Variants in DSG4 observed in about 807,000 individuals in gnomAD.
DSG4 encodes desmoglein-4.
In DSG4, 87 loss-of-function variants were observed where a neutral mutation model predicts 93.1. That is an observed-to-expected ratio of 0.93 (90% CI 0.79 to 1.12). The LOEUF (loss-of-function observed/expected upper bound fraction) is 1.12. Among genes scored for constraint, DSG4 ranks in the 50% most tolerant of loss-of-function variants. DSG4 has a pLI of 0.00. For synonymous variants in DSG4, 432 were observed against 452.9 expected (o/e 0.95, Z 0.59); for missense variants, 1,373 against 1,285.7 (o/e 1.07, Z -1.04).
chr18:31,399,543 G>A lies in DSG4; in HGVS notation c.1277G>A (p.Arg426Lys). Reference sequence around the variant, plus strand: ...ACAGGAAACCCTGCAACAGATGTCAGGTACTGCAACTATTTTCTTCATGTT... The same window carrying A: ...ACAGGAAACCCTGCAACAGATGTCAAGTACTGCAACTATTTTCTTCATGTT... ...LDTGNPATDV[R>K]YIIGHDAGSW... Residue 426 changes from arginine to lysine, a missense_variant and splice_region_variant, in exon 9 of 16, where the codon AGA becomes AAA. Arg to Lys is a conservative substitution (Grantham distance 26). Coordinates refer to ENST00000308128, the MANE Select transcript of DSG4 (RefSeq NM_177986.5). The A allele has an allele frequency of 1.2e-6, 2 of 1,613,866 alleles. No homozygotes were observed.
intron 3 of DSG4, among the ~76,000 whole-genome samples, chr18:31,387,242 AAG>A (rs1199485677): frequency 5.9e-5 from 9 of 152,190 alleles, no homozygotes; most frequent in Admixed American, 6.6e-5. Context: ...TCCAGAAAAT[AAG>A]AGAGTCTTAT....
At chr18:31,406,553 A>T (rs1285793297) in intron 12 of DSG4, among the ~76,000 whole-genome samples, 180 bp downstream of exon 12, 2 of 152,198 alleles carry the variant, frequency 1.3e-5, no homozygotes, top group African/African-American at 4.8e-5. Flanking sequence ...AATGATAACT[A>T]AGAAAGCCTA....
chr18:31,379,949 T>C (rs1476556209), intron 1 of DSG4, among the ~76,000 whole-genome samples: 1 of 152,232 alleles, frequency 6.6e-6, no homozygotes, highest in Non-Finnish European at 1.5e-5. Flanking sequence ...ACAGAAAGAA[T>C]GTACTCATCA....
intron 3 of DSG4, among the ~76,000 whole-genome samples, chr18:31,387,758 A>G (rs2072203544): frequency 1.3e-5 from 2 of 152,156 alleles, no homozygotes; most frequent in South Asian, 4.1e-4. Context: ...TCGTTAGTAT[A>G]TAGGTGAGAT....
intron 5 of DSG4, 24 bp downstream of exon 5, chr18:31,389,042 C>G: frequency 6.2e-7 from 1 of 1,611,826 alleles, no homozygotes; most frequent in Non-Finnish European, 8.5e-7. Flanking sequence ...CATTCCTTCT[C>G]TACGTCACAG....
chr18:31,398,332 A>G (rs2072327823), intron 8 of DSG4, among the ~76,000 whole-genome samples: 1 of 152,210 alleles, frequency 6.6e-6, no homozygotes, highest in Non-Finnish European at 1.5e-5. Flanking sequence ...TCTCCAAAGA[A>G]GAACCCAAGT....
intron 11 of DSG4, among the ~76,000 whole-genome samples, chr18:31,405,613 A>G (rs2072415752): frequency 6.6e-6 from 1 of 151,622 alleles, no homozygotes. Flanking sequence ...GCCAGGCAGA[A>G]TGGCTCATGC....
chr18:31,390,402 A>G (rs1178057252), intron 5 of DSG4, among the ~76,000 whole-genome samples: 1 of 152,208 alleles, frequency 6.6e-6, no homozygotes, highest in Non-Finnish European at 1.5e-5. Flanking sequence ...AAAGAGAACT[A>G]TGTTTAGCCA....
intron 7 of DSG4, among the ~76,000 whole-genome samples, chr18:31,391,444 A>C (rs538418336): frequency 6.6e-6 from 1 of 152,166 alleles, no homozygotes; most frequent in African/African-American, 2.4e-5. Context: ...GCAACGAACT[A>C]TCTATTCTGT....
chr18:31,400,850 C>A, intron 9 of DSG4, 31 bp from the exon 10 acceptor site: 2 of 1,608,292 alleles, frequency 1.2e-6, no homozygotes, highest in Non-Finnish European at 1.7e-6. Context: ...TTCATAAAAG[C>A]ATGATAACGA....
intron 12 of DSG4, among the ~76,000 whole-genome samples, chr18:31,408,192 G>A (rs117085661): frequency 0.014 from 2,174 of 152,236 alleles, 27 homozygotes; most frequent in Non-Finnish European, 0.021. Flanking sequence ...TTCCCAAAGG[G>A]CCTCAAATTG....
rs894070697 is a variant in DSG4 at position 31,413,678 on chromosome 18, A to G, written c.*83A>G. 2.7e-6 allele frequency: 4 copies of G among 1,500,370 alleles called. No homozygotes were observed. The highest frequency in any genetic ancestry group is 1.4e-5 in the African/African-American group (1 of 72,462). The allele number at this position is 1,500,370 out of a possible 1,614,324, so 92.9% of individuals were successfully genotyped here. A position where few individuals can be genotyped will look rare whatever the true frequency, so the allele number is the denominator to read the frequency against. On this transcript the variant is annotated 3_prime_UTR_variant, in exon 16 of 16. Coordinates refer to ENST00000308128, the MANE Select transcript of DSG4 (RefSeq NM_177986.5). ...CCACCAAAAATATATAATGTACCATATATATTAATAGTCAACAAATACTCA... is the reference window on the plus strand; with the variant it reads ...CCACCAAAAATATATAATGTACCATGTATATTAATAGTCAACAAATACTCA...
intron 9 of DSG4, among the ~76,000 whole-genome samples, chr18:31,400,228 C>T (rs2072350056): frequency 6.6e-6 from 1 of 152,260 alleles, no homozygotes; most frequent in Non-Finnish European, 1.5e-5. Flanking sequence ...TTATAAGTTA[C>T]CTTGATGTTC....
chr18:31,381,906 T>A (rs991571669), intron 1 of DSG4, among the ~76,000 whole-genome samples: 2 of 151,354 alleles, frequency 1.3e-5, no homozygotes, highest in African/African-American at 4.9e-5. Flanking sequence ...CCTAACCTCG[T>A]GATCTGCCCA....
In DSG4 at chr18:31,411,251, G is replaced by C; in HGVS notation, c.2158G>C (p.Ala720Pro). 1 of 1,614,166 alleles carries C rather than the reference G, an allele frequency of 6.2e-7. No homozygotes were observed. The highest frequency in any genetic ancestry group is 1.3e-5 in the African/African-American group (1 of 75,028). ...TTCAGAAATCTACACCAACACCTATGCAGCCGGGGGCACGGTGGAAGGAGG... is the reference window on the plus strand; with the variant it reads ...TTCAGAAATCTACACCAACACCTATCCAGCCGGGGGCACGGTGGAAGGAGG... ...DSSEIYTNTY[A>P]AGGTVEGGVS... is the part of the protein sequence containing the mutation. The change falls in exon 15 of 16, where the codon GCA becomes CCA. Residue 720 changes from alanine to proline, a missense_variant. Ala to Pro is a conservative substitution (Grantham distance 27). Transcript: ENST00000308128.
In DSG4 at chr18:31,412,953, C is replaced by T; in HGVS notation, c.2481C>T (p.Asp827=). Residue 827 remains aspartate, a synonymous_variant, in exon 16 of 16, where the codon GAC becomes GAT. Transcript: ENST00000308128. ...GTTGTTGCAGTTGGATTGTGGATGA[C>T]TTAGATGAAAGCTGCATGGAAACTT... ...SIGCCSWIVD[D]LDESCMETLD... is the part of the protein sequence containing the mutation. 6.2e-7 allele frequency: 1 copy of T among 1,614,170 alleles called. No homozygotes were observed. Among genetic ancestry groups the T allele is most frequent in the Non-Finnish European group, 8.5e-7 (1 of 1,180,038 alleles).
chr18:31,386,842 G>T, intron 3 of DSG4, 23 bp downstream of exon 3: 2 of 1,612,562 alleles, frequency 1.2e-6, no homozygotes, highest in South Asian at 2.2e-5. Context: ...GCAATCTGAT[G>T]ACAAATGCTT....
intron 1 of DSG4, among the ~76,000 whole-genome samples, chr18:31,379,017 G>A (rs1034899486): frequency 1.3e-5 from 2 of 152,160 alleles, no homozygotes; most frequent in Non-Finnish European, 2.9e-5. Flanking sequence ...ACCGCAAAGA[G>A]CACTGTAAAC....
rs147482052 is a variant in DSG4, at chr18:31,390,768, T to C, written c.630T>C (p.Ile210=). The change falls in exon 6 of 16, where the codon ATT becomes ATC. Residue 210 remains isoleucine, a synonymous_variant. Transcript: ENST00000308128. The stretch of plus-strand genomic sequence containing the variant: ...AGCCATCAGGTGCACCCATGTTCAT[T>C]CTGAATAGGTACACTGGAGAAGTCT... The part of the protein sequence containing the change: ...SQEPSGAPMF[I]LNRYTGEVCT... The C allele has an allele frequency of 1.5e-5, 24 of 1,613,638 alleles. No homozygotes were observed. Among genetic ancestry groups the C allele is most frequent in the Non-Finnish European group, 1.9e-5 (22 of 1,179,786 alleles).
Sources: gnomAD v4.1 joint callset for allele counts (sites outside exome capture counted in the v4.1 genomes callset) on GRCh38, gnomAD v4.1.1 for gene constraint, MANE v1.5 for transcripts, NCBI Gene and HGNC (gene_info 2026-07-23, HGNC 2026-07-21) for gene names.